WDR81: variants seen among roughly 807,000 people sequenced by gnomAD.
WDR81 encodes the protein WD repeat-containing protein 81.
A neutral mutation model predicts 140.8 loss-of-function variants in WDR81; 92 were observed. The observed-to-expected ratio is 0.65, with a 90% CI of 0.55 to 0.78. WDR81 has a LOEUF of 0.78. Among genes scored for constraint, WDR81 ranks in the 30% least tolerant of loss-of-function variants. The probability of loss-of-function intolerance (pLI) is 0.00; values close to 1 mark genes in which losing one functional copy is unlikely to be tolerated. For missense variants in WDR81, 2,502 were observed against 2,636.4 expected, an observed-to-expected ratio of 0.95 and a Z score of 1.12; for synonymous variants, 1,183 against 1,156.4, an observed-to-expected ratio of 1.02 and a Z score of -0.47.
rs1364340953 is a variant in WDR81 at position 1,737,837 on chromosome 17, G to C, written c.*152G>C. Reference sequence around the variant, plus strand: ...GCCTGCCAACTAGGGCCTGCAAATGGAGTGGGGGAGTCCTGGCCCCTGAAT... The same window carrying C: ...GCCTGCCAACTAGGGCCTGCAAATGCAGTGGGGGAGTCCTGGCCCCTGAAT... On this transcript the variant is annotated 3_prime_UTR_variant, in exon 10 of 10. Coordinates refer to ENST00000409644, the MANE Select transcript of WDR81 (RefSeq NM_001163809.2). 1.0e-6 allele frequency: 1 copy of C among 967,324 alleles called. No homozygotes were observed. Among genetic ancestry groups the C allele is most frequent in the Admixed American group, 2.9e-5 (1 of 34,802 alleles). The allele number at this position is 967,324 out of a possible 1,614,324, so 59.9% of individuals were successfully genotyped here. A position where few individuals can be genotyped will look rare whatever the true frequency, so the allele number is the denominator to read the frequency against.
At chr17:1,734,325 C>A in intron 7 of WDR81, 109 bp downstream of exon 7, 1 of 1,304,730 alleles carries the variant, frequency 7.7e-7, no homozygotes, top group Non-Finnish European at 1.0e-6. Context: ...TTGGGGAGAC[C>A]CAGCGAGGCC....
rs139409016 is a variant in WDR81, at chr17:1,737,087, G to A, written c.5506-278G>A. On this transcript the variant is annotated intron_variant, in intron 9 of 9. Coordinates refer to ENST00000409644, the MANE Select transcript of WDR81 (RefSeq NM_001163809.2). The stretch of plus-strand genomic sequence containing the variant: ...AATGGGGACAATGGCAGCATCCACC[G>A]CATAGGGTTGTTACGAAGGTCAAGG... Among the ~76,000 whole-genome samples, 17 of 152,298 alleles carry A rather than the reference G, an allele frequency of 1.1e-4. No individual in the cohort carries two copies. In the East Asian group the frequency reaches 2.5e-3, roughly 22 times the overall value.
chr17:1,727,400 T>A lies in WDR81; in HGVS notation c.2441T>A (p.Val814Asp). The change falls in exon 1 of 10, where the codon GTC becomes GAC. Residue 814 changes from valine to aspartate, a missense_variant. Val to Asp is a radical substitution (Grantham distance 152). Coordinates refer to ENST00000409644, the MANE Select transcript of WDR81 (RefSeq NM_001163809.2). ...RGLCTRHPKE[V>D]PVSLQPVLDT... ...CTCTGCACGCGCCACCCCAAGGAGG[T>A]CCCTGTGTCTTTGCAGCCCGTGCTG... The A allele has an allele frequency of 2.6e-6, 4 of 1,550,188 alleles. No individual in the cohort carries two copies. The highest frequency in any genetic ancestry group is 3.5e-6 in the Non-Finnish European group (4 of 1,146,958).
At position 1,727,013 on chromosome 17, in the gene WDR81, C is replaced by A. The variant is rs770370520; in HGVS notation, c.2054C>A (p.Ala685Glu). The A allele has an allele frequency of 1.2e-5, 18 of 1,550,300 alleles. No homozygotes were observed. Among genetic ancestry groups the A allele is most frequent in the Non-Finnish European group, 1.6e-5 (18 of 1,146,986 alleles). The change falls in exon 1 of 10, where the codon GCG (alanine) becomes GAG (glutamate). Residue 685 changes from alanine (A) to glutamate (E), a missense_variant. Physicochemically the swap from Ala to Glu is moderately radical, Grantham distance 107 (BLOSUM62 -1). This residue lies in a region of WDR81 where 1,737 missense variants were observed against 1,843.0 expected (regional missense o/e 0.94). Coordinates refer to ENST00000409644, the MANE Select transcript of WDR81 (RefSeq NM_001163809.2). Reference protein sequence around the residue: ...AGDQLGSSSQASPGLLSFSVA... With the variant: ...AGDQLGSSSQESPGLLSFSVA... ...GACCAGCTGGGCTCCTCCAGTCAAG[C>A]GTCCCCTGGACTTCTCTCTTTCTCA...
upstream of WDR81, among the ~76,000 whole-genome samples, chr17:1,722,491 C>T (rs1187393706): frequency 1.3e-5 from 2 of 150,984 alleles, no homozygotes; most frequent in Non-Finnish European, 2.9e-5. Flanking sequence ...GAATTAGAGG[C>T]GTCCGCCACC....
At chr17:1,722,224 T>G (rs965726546), upstream of WDR81, among the ~76,000 whole-genome samples, 4 of 152,104 alleles carry the variant, frequency 2.6e-5, no homozygotes, top group East Asian at 7.7e-4. Flanking sequence ...TCCATACAAG[T>G]TTGTTGTAAG....
chr17:1,725,102 C>A lies in WDR81; in HGVS notation c.143C>A (p.Ala48Asp). 6.6e-7 allele frequency: 1 copy of A among 1,507,848 alleles called. No homozygotes were observed. Among genetic ancestry groups the A allele is most frequent in the Non-Finnish European group, 8.9e-7 (1 of 1,129,198 alleles). The allele number at this position is 1,507,848 out of a possible 1,614,324, so 93.4% of individuals were successfully genotyped here. Residue 48 changes from alanine (A) to aspartate (D), a missense_variant, in exon 1 of 10, where the codon GCC becomes GAC. By Grantham distance (126) the Ala-to-Asp change is moderately radical. Transcript: ENST00000409644. ...ATCGATCCCAGGCAGCTGGCTCCGG[C>A]CCCGGGGGGCACCCACGTGGTGGCC... is the stretch of plus-strand genomic sequence containing the variant. ...LSIDPRQLAPAPGGTHVVALV... is the reference protein window; with the variant it reads ...LSIDPRQLAPDPGGTHVVALV...
Position 1,733,680 on chromosome 17 carries a change from G to T in WDR81, c.4643G>T (p.Gly1548Val), listed in dbSNP as rs1179422879. The change falls in exon 7 of 10, where the codon GGC becomes GTC. Residue 1548 changes from glycine (G) to valine (V), a missense_variant. Physicochemically the swap from Gly to Val is moderately radical, Grantham distance 109 (BLOSUM62 -3). Around this residue, in one of 3 missense-constraint regions of WDR81, gnomAD observed 1,737 missense variants for 1,843.0 expected, o/e 0.94. Transcript: ENST00000409644. ...CCCGAGTGGGACCCCCATGGTGGGG[G>T]CTGCCCTCAGGATGACGGCCACTCA... is the stretch of plus-strand genomic sequence containing the variant. ...TGPEWDPHGGGCPQDDGHSGT... is the reference protein window; with the variant it reads ...TGPEWDPHGGVCPQDDGHSGT... The T allele has an allele frequency of 5.6e-6, 9 of 1,611,536 alleles. No individual in the cohort carries two copies. The highest frequency in any genetic ancestry group is 1.3e-5 in the African/African-American group (1 of 74,910).
Position 1,727,668 on chromosome 17 carries a change from T to G in WDR81, c.2709T>G (p.Phe903Leu), listed in dbSNP as rs780903342. 6.4e-7 allele frequency: 1 copy of G among 1,550,558 alleles called. No individual in the cohort carries two copies. ...AGGCCCAGGGGCGCGAGCTGGTGTTTGCTCTGTGGCAGCAGCTGGGCGCGG... is the reference window on the plus strand; with the variant it reads ...AGGCCCAGGGGCGCGAGCTGGTGTTGGCTCTGTGGCAGCAGCTGGGCGCGG... ...EDEAQGRELV[F>L]ALWQQLGAVL... The change falls in exon 1 of 10, where the codon TTT becomes TTG. Residue 903 changes from phenylalanine (F) to leucine (L), a missense_variant. Around this residue, in one of 3 missense-constraint regions of WDR81, gnomAD observed 1,737 missense variants for 1,843.0 expected, o/e 0.94. Coordinates refer to ENST00000409644, the MANE Select transcript of WDR81 (RefSeq NM_001163809.2).
At chr17:1,724,321 G>A (rs1250446182), upstream of WDR81, among the ~76,000 whole-genome samples, 3 of 152,316 alleles carry the variant, frequency 2.0e-5, no homozygotes, top group Middle Eastern at 3.4e-3. Flanking sequence ...CCGAGATCGC[G>A]CCACTGCACT....
chr17:1,716,745 T>C (rs1914584644), intron 1 of WDR81: 5 of 1,243,084 alleles, frequency 4.0e-6, no homozygotes, highest in Non-Finnish European at 5.7e-6. Flanking sequence ...TTCCCCAAAC[T>C]GACTCGCCGG....
At chr17:1,736,269 A>T (rs372617486) in intron 9 of WDR81, 51 bp downstream of exon 9, 6 of 1,561,810 alleles carry the variant, frequency 3.8e-6, no homozygotes, top group Non-Finnish European at 5.2e-6. Context: ...GCCCCTGTCC[A>T]GCCATCACCC....
At position 1,732,285 on chromosome 17, in the gene WDR81, TGCAGAACGGCGG is replaced by T. The variant is rs748631310; in HGVS notation, c.4158-37_4158-26del. 7 of 1,600,562 alleles carry T rather than the reference TGCAGAACGGCGG, an allele frequency of 4.4e-6. No individual in the cohort carries two copies. The South Asian group carries it at 7.8e-5, about 18-fold the overall frequency. On this transcript the variant is annotated intron_variant, in intron 4 of 9. Coordinates refer to ENST00000409644, the MANE Select transcript of WDR81 (RefSeq NM_001163809.2). Reference sequence around the variant, plus strand: ...ATTTTGCTAGATTCTGGTCAAGTCCTGCAGAACGGCGGGCTGGAGCTCATGAGCTCTGTTTCC... The same window carrying T: ...ATTTTGCTAGATTCTGGTCAAGTCCTGCTGGAGCTCATGAGCTCTGTTTCC...
intron 4 of WDR81, among the ~76,000 whole-genome samples, chr17:1,732,059 C>T (rs1904397252): frequency 6.6e-6 from 1 of 151,872 alleles, no homozygotes; most frequent in South Asian, 2.1e-4. Flanking sequence ...TATGGCAAAA[C>T]CCTGTCTCTA....
Position 1,725,470 on chromosome 17 carries a change from G to T in WDR81, c.511G>T (p.Val171Phe). ...CAGTCACAGCCCTGCCCCCTCAGCTGTCCCTGCCTTGGACTCAGTACGGCA... is the reference window on the plus strand; with the variant it reads ...CAGTCACAGCCCTGCCCCCTCAGCTTTCCCTGCCTTGGACTCAGTACGGCA... Reference protein sequence around the residue: ...PYSHSPAPSAVPALDSVRQAL... With the variant: ...PYSHSPAPSAFPALDSVRQAL... The change falls in exon 1 of 10, where the codon GTC becomes TTC. Residue 171 changes from valine to phenylalanine, a missense_variant. By Grantham distance (50) the Val-to-Phe change is conservative. Around this residue, in one of 3 missense-constraint regions of WDR81, gnomAD observed 547 missense variants for 513.8 expected, o/e 1.06. Transcript: ENST00000409644. 6.5e-7 allele frequency: 1 copy of T among 1,548,848 alleles called. No homozygotes were observed.
chr17:1,731,325 G>A lies in WDR81; in HGVS notation c.4157+67G>A, dbSNP rs545595893. ...GGAGGGGCTGCCCAGGAGGGGGTGGGAAGCTCAGGGGAGAGGACGTAACAC... is the reference window on the plus strand; with the variant it reads ...GGAGGGGCTGCCCAGGAGGGGGTGGAAAGCTCAGGGGAGAGGACGTAACAC... On this transcript the variant is annotated intron_variant, in intron 4 of 9. Transcript: ENST00000409644. 1.6e-3 allele frequency: 2,449 copies of A among 1,532,886 alleles called. 4 individuals carry two copies. The highest frequency in any genetic ancestry group is 1.9e-3 in the Non-Finnish European group (2,204 of 1,136,140). 95.0% of individuals were successfully genotyped at this position (1,532,886 alleles called of 1,614,324 possible).
chr17:1,730,566 G>A (rs1915624281), intron 2 of WDR81, 79 bp downstream of exon 2: 4 of 1,480,354 alleles, frequency 2.7e-6, no homozygotes, highest in Non-Finnish European at 3.7e-6. Flanking sequence ...CTCCGGCGGG[G>A]ATCCTTCCCA....
chr17:1,731,111 G>T lies in WDR81; in HGVS notation c.4010G>T (p.Arg1337Leu). Residue 1337 changes from arginine (R) to leucine (L), a missense_variant, in exon 4 of 10, where the codon CGT (arginine) becomes CTT (leucine). By Grantham distance (102) the Arg-to-Leu change is moderately radical (BLOSUM62 -2). This residue lies in a region of WDR81 where 1,737 missense variants were observed against 1,843.0 expected (regional missense o/e 0.94). Coordinates refer to ENST00000409644, the MANE Select transcript of WDR81 (RefSeq NM_001163809.2). ...SASGPSRLNS[R>L]KEAGLLAAVT... ...TCAGGCCCCAGCCGACTGAACAGCC[G>T]TAAGGAGGCGGGGCTGCTGGCCGCG... The T allele has an allele frequency of 1.2e-6, 2 of 1,613,146 alleles. No homozygotes were observed. Among genetic ancestry groups the T allele is most frequent in the Non-Finnish European group, 1.7e-6 (2 of 1,179,968 alleles).
rs377432304 is a variant in WDR81, at chr17:1,734,258, C to T, written c.5179+42C>T. 1,041 of 1,495,320 alleles carry T rather than the reference C, an allele frequency of 7.0e-4. 16 individuals carry two copies. The South Asian group carries it at 0.012, about 17-fold the overall frequency. 92.6% of individuals were successfully genotyped at this position (1,495,320 alleles called of 1,614,324 possible). A position where few individuals can be genotyped will look rare whatever the true frequency, so the allele number is the denominator to read the frequency against. On this transcript the variant is annotated intron_variant, in intron 7 of 9. Coordinates refer to ENST00000409644, the MANE Select transcript of WDR81 (RefSeq NM_001163809.2). ...GAGGCCTGTTCTCTTCCTGCTCCTGCGCCCCACCAGGCCTCCAGGAAGGGG... is the reference window on the plus strand; with the variant it reads ...GAGGCCTGTTCTCTTCCTGCTCCTGTGCCCCACCAGGCCTCCAGGAAGGGG...
Sources: allele counts gnomAD v4.1 joint callset (sites outside exome capture counted in the v4.1 genomes callset), GRCh38; gene constraint gnomAD v4.1.1; regional missense constraint gnomAD v4.1.1; transcripts MANE v1.5; gene names NCBI Gene and HGNC (gene_info 2026-07-23, HGNC 2026-07-21).